Variants in ITPKB observed in about 807,000 individuals in gnomAD.
ITPKB encodes inositol-trisphosphate 3-kinase B, also known as IP3 3-kinase B.
ITPKB carries 13 observed loss-of-function variants against 69.4 expected under a neutral mutation model. That is an observed-to-expected ratio of 0.19 (90% CI 0.12 to 0.30). The LOEUF (loss-of-function observed/expected upper bound fraction) is 0.30. Among genes scored for constraint, ITPKB ranks in the 10% least tolerant of loss-of-function variants. ITPKB has a pLI of 1.00. For missense variants in ITPKB, 1,240 were observed against 1,250.5 expected, an observed-to-expected ratio of 0.99 and a Z score of 0.13; for synonymous variants, 584 against 513.7, an observed-to-expected ratio of 1.14 and a Z score of -1.85.
At chr1:226,661,771 T>C (rs1669407257) in intron 2 of ITPKB, among the ~76,000 whole-genome samples, 1 of 152,366 alleles carries the variant, frequency 6.6e-6, no homozygotes, top group East Asian at 1.9e-4. Context: ...CTGTCTGGTC[T>C]GACCCCCTCA....
At position 226,735,979 on chromosome 1, in the gene ITPKB, G is replaced by A. The variant is rs545516725; in HGVS notation, c.1480C>T (p.Pro494Ser). 1.5e-5 allele frequency: 25 copies of A among 1,613,980 alleles called. No homozygotes were observed. The South Asian group carries it at 2.4e-4, about 16-fold the overall frequency. ...AAKDLKEPQCPPGDRVGVQPG... is the reference protein window; with the variant it reads ...AAKDLKEPQCSPGDRVGVQPG... ...TGCACACCCACCCTGTCCCCAGGAG[G>A]GCACTGAGGTTCTTTCAGATCTTTC... Residue 494 changes from proline to serine, a missense_variant, in exon 2 of 8, where the codon CCT becomes TCT. Physicochemically the swap from Pro to Ser is moderately conservative, Grantham distance 74 (BLOSUM62 -1). Coordinates refer to ENST00000429204, the MANE Select transcript of ITPKB (RefSeq NM_002221.4).
In ITPKB at chr1:226,736,740, C is replaced by T. The variant is rs1571884201; in HGVS notation, c.719G>A (p.Arg240Gln). Reference sequence around the variant, plus strand: ...AGCCTCTGATCCTGTAGGGGCAGCCCGGCCGGGAAGAGGTGGCATTCCTTT... The same window carrying T: ...AGCCTCTGATCCTGTAGGGGCAGCCTGGCCGGGAAGAGGTGGCATTCCTTT... ...VKKGMPPLPG[R>Q]AAPTGSEAQG... The change falls in exon 2 of 8, where the codon CGG becomes CAG. Residue 240 changes from arginine to glutamine, a missense_variant. Coordinates refer to ENST00000429204, the MANE Select transcript of ITPKB (RefSeq NM_002221.4). 6.2e-7 allele frequency: 1 copy of T among 1,612,788 alleles called. No homozygotes were observed. Among genetic ancestry groups the T allele is most frequent in the Non-Finnish European group, 8.5e-7 (1 of 1,179,774 alleles).
chr1:226,639,698 G>T, intron 5 of ITPKB, 40 bp from the exon 6 acceptor site: 1 of 1,343,652 alleles, frequency 7.4e-7, no homozygotes, highest in Non-Finnish European at 1.1e-6. Flanking sequence ...GGGTCAGCAG[G>T]GACCCTCGGG....
Position 226,639,743 on chromosome 1 carries a change from C to CAGGCGAGCCCCATCTG in ITPKB, c.2452-101_2452-86dup, listed in dbSNP as rs1668915646. On this transcript the variant is annotated intron_variant, in intron 5 of 7. Coordinates refer to ENST00000429204, the MANE Select transcript of ITPKB (RefSeq NM_002221.4). ...TTCTCACCCACCCAACACCACAGAG[C>CAGGCGAGCCCCATCTG]AGGCGAGCCCCATCTGAACCTGGGG... The CAGGCGAGCCCCATCTG allele has an allele frequency of 2.6e-5, 23 of 885,994 alleles. No individual in the cohort carries two copies. The East Asian group carries it at 5.5e-4, about 21-fold the overall frequency. The allele number at this position is 885,994 out of a possible 1,614,324, so 54.9% of individuals were successfully genotyped here.
intron 2 of ITPKB, among the ~76,000 whole-genome samples, chr1:226,724,897 G>T (rs567308977): frequency 6.6e-6 from 1 of 152,198 alleles, no homozygotes. Flanking sequence ...ACTGGGGCAG[G>T]GGTGCCCTCT....
intron 2 of ITPKB, among the ~76,000 whole-genome samples, chr1:226,681,574 AG>A (rs1399887551): frequency 2.0e-5 from 3 of 152,058 alleles, no homozygotes; most frequent in Non-Finnish European, 4.4e-5. Context: ...TGGGGCATAC[AG>A]AAAAATACCT....
intron 2 of ITPKB, among the ~76,000 whole-genome samples, chr1:226,715,673 T>C (rs982181913): frequency 6.6e-6 from 1 of 152,218 alleles, no homozygotes; most frequent in African/African-American, 2.4e-5. Context: ...TGTATAGCAA[T>C]ATTTTGTTTT....
intron 2 of ITPKB, among the ~76,000 whole-genome samples, chr1:226,703,297 T>A (rs796828402): frequency 1.5e-4 from 23 of 152,322 alleles, no homozygotes; most frequent in African/African-American, 5.1e-4. Context: ...GAACCAGGCG[T>A]GCCTCCATTT....
intron 2 of ITPKB, among the ~76,000 whole-genome samples, chr1:226,696,538 C>T (rs1656492067): frequency 6.6e-6 from 1 of 152,148 alleles, no homozygotes; most frequent in South Asian, 2.1e-4. Context: ...CTACTGTTTT[C>T]TGAGAACATA....
At chr1:226,711,442 A>AGAGAGAGAGAGAGAGAGTGTGT (rs1491474441) in intron 2 of ITPKB, among the ~76,000 whole-genome samples, 1 of 102,292 alleles carries the variant, frequency 9.8e-6, no homozygotes, top group African/African-American at 4.1e-5. Context: ...AGAGAGAGAG[A>AGAGAGAGAGAGAGAGAGTGTGT]GTGTGTGTGT....
At position 226,735,724 on chromosome 1, in the gene ITPKB, C is replaced by T. The variant is rs555308473; in HGVS notation, c.1735G>A (p.Asp579Asn). Residue 579 changes from aspartate (D) to asparagine (N), a missense_variant, in exon 2 of 8, where the codon GAT becomes AAT. By Grantham distance (23) the Asp-to-Asn change is conservative. Transcript: ENST00000429204. ...CCCTGCGTCTCCTCCAAGGCCCCAT[C>T]CTCCTGGGTGCCCATGTCTGTAATG... is the stretch of plus-strand genomic sequence containing the variant. ...VIITDMGTQE[D>N]GALEETQGSP... 1.9e-6 allele frequency: 3 copies of T among 1,586,410 alleles called. No individual in the cohort carries two copies. Among genetic ancestry groups the T allele is most frequent in the South Asian group, 2.3e-5 (2 of 88,032 alleles).
rs184361679 is a variant in ITPKB at position 226,699,314 on chromosome 1, G to A, written c.1932+36213C>T. On this transcript the variant is annotated intron_variant, in intron 2 of 7. Transcript: ENST00000429204. ...GATGATCTCTGAGGATCTCTGCACC[G>A]CCAAGCACCCTCCGGGCTGCTGACG... Among the ~76,000 whole-genome samples the A allele has an allele frequency of 5.3e-5, 8 of 152,344 alleles. No homozygotes were observed. In the East Asian group the frequency reaches 1.3e-3, roughly 26 times the overall value.
At chr1:226,640,837 A>G (rs1185845376) in intron 5 of ITPKB, among the ~76,000 whole-genome samples, 1 of 152,138 alleles carries the variant, frequency 6.6e-6, no homozygotes, top group African/African-American at 2.4e-5. Context: ...TCCCGGGGGA[A>G]GGTAAAAACT....
At chr1:226,680,687 C>T (rs1470142552) in intron 2 of ITPKB, among the ~76,000 whole-genome samples, 3 of 152,222 alleles carry the variant, frequency 2.0e-5, no homozygotes, top group Admixed American at 6.5e-5. Context: ...AGGCTCAGCC[C>T]AGTTGGGATG....
intron 2 of ITPKB, among the ~76,000 whole-genome samples, chr1:226,720,513 C>A (rs1657209475): frequency 6.6e-6 from 1 of 152,178 alleles, no homozygotes; most frequent in Non-Finnish European, 1.5e-5. Context: ...TTGGGACTAA[C>A]AATTTATATG....
At chr1:226,732,207 C>T (rs10916030) in intron 2 of ITPKB, among the ~76,000 whole-genome samples, 43,248 of 151,204 alleles carry the variant, frequency 0.29, 6,281 homozygotes, top group Admixed American at 0.31. Flanking sequence ...TTTATACACC[C>T]CACAGGTAAT....
chr1:226,709,283 T>C (rs546195902), intron 2 of ITPKB, among the ~76,000 whole-genome samples: 1 of 152,330 alleles, frequency 6.6e-6, no homozygotes, highest in Non-Finnish European at 1.5e-5. Flanking sequence ...ACCCCCTCCC[T>C]GGCGAGGCAC....
intron 2 of ITPKB, among the ~76,000 whole-genome samples, chr1:226,658,321 G>A (rs1225544919): frequency 1.3e-5 from 2 of 152,230 alleles, no homozygotes; most frequent in African/African-American, 4.8e-5. Flanking sequence ...CGGCAGCTGG[G>A]TACAAGCCCA....
rs970817695 is a variant in ITPKB, at chr1:226,693,489, T to C, written c.1932+42038A>G. Among the ~76,000 whole-genome samples, 5 of 152,238 alleles carry C rather than the reference T, an allele frequency of 3.3e-5. No individual in the cohort carries two copies. The East Asian group carries it at 5.8e-4, about 18-fold the overall frequency. ...GTCCCCCTACTGACATGTTTTATTGTAAGCAATCTAATTTATGGTGTGCTC... is the reference window on the plus strand; with the variant it reads ...GTCCCCCTACTGACATGTTTTATTGCAAGCAATCTAATTTATGGTGTGCTC... On this transcript the variant is annotated intron_variant, in intron 2 of 7. Coordinates refer to ENST00000429204, the MANE Select transcript of ITPKB (RefSeq NM_002221.4).
Sources: gnomAD v4.1 joint callset for allele counts (sites outside exome capture counted in the v4.1 genomes callset) on GRCh38, gnomAD v4.1.1 for gene constraint, MANE v1.5 for transcripts, NCBI Gene and HGNC (gene_info 2026-07-23, HGNC 2026-07-21) for gene names.